The following ANO3 variants were observed in gnomAD, a reference collection of about 807,000 sequenced individuals.
ANO3 encodes anoctamin-3.
ANO3 carries 99 observed loss-of-function variants against 144.8 expected under a neutral mutation model. The ratio of observed to expected loss-of-function variants is 0.68; its 90% CI spans 0.58 to 0.81. ANO3 has a LOEUF of 0.81. Among genes scored for constraint, ANO3 ranks in the 30% least tolerant of loss-of-function variants. ANO3 has a pLI of 0.00. For synonymous variants in ANO3, 414 were observed against 392.6 expected (o/e 1.05, Z -0.64); for missense variants, 905 against 1,202.2 (o/e 0.75, Z 3.66).
intron 1 of ANO3, among the ~76,000 whole-genome samples, chr11:26,206,971 A>C (rs1207828918): frequency 6.6e-6 from 1 of 152,204 alleles, no homozygotes; most frequent in Non-Finnish European, 1.5e-5. Flanking sequence ...ATGAAGGGCA[A>C]ATATTACGTG....
chr11:26,564,726 CACACACATATATATATATAT>C (rs1238801038), intron 14 of ANO3, among the ~76,000 whole-genome samples: 32 of 49,330 alleles, frequency 6.5e-4, no homozygotes, highest in African/African-American at 1.3e-3. Flanking sequence ...CACACACACA[CACACACATATATATATATAT>C]ATATATATAT....
intron 1 of ANO3, among the ~76,000 whole-genome samples, chr11:26,393,975 A>G (rs1856943524): frequency 6.6e-6 from 1 of 152,172 alleles, no homozygotes; most frequent in South Asian, 2.1e-4. Context: ...TTGCAAATGC[A>G]TTTTAACATT....
At chr11:26,652,564 C>T (rs547380971) in intron 24 of ANO3, among the ~76,000 whole-genome samples, 276 of 152,232 alleles carry the variant, frequency 1.8e-3, no homozygotes, top group Non-Finnish European at 2.6e-3. Flanking sequence ...AGTAATTCAC[C>T]CCTTTTTCTC....
chr11:26,344,371 T>TA (rs1198122596), intron 1 of ANO3, among the ~76,000 whole-genome samples: 3 of 150,176 alleles, frequency 2.0e-5, no homozygotes, highest in Non-Finnish European at 4.4e-5. Flanking sequence ...ATATTGTCTT[T>TA]TTTTTTTTTT....
intron 3 of ANO3, 27 bp from the exon 4 acceptor site, chr11:26,463,003 A>T: frequency 8.3e-7 from 1 of 1,198,498 alleles, no homozygotes; most frequent in Non-Finnish European, 1.2e-6. Flanking sequence ...ATAGAAATGG[A>T]TATAACTTTC....
intron 1 of ANO3, among the ~76,000 whole-genome samples, chr11:26,297,373 CT>C (rs1854118742): frequency 6.6e-6 from 1 of 152,118 alleles, no homozygotes; most frequent in Non-Finnish European, 1.5e-5. Flanking sequence ...CAGACAAACA[CT>C]TGTGGGCCTG....
chr11:26,528,367 C>A (rs1443563065), intron 7 of ANO3, among the ~76,000 whole-genome samples: 4 of 152,132 alleles, frequency 2.6e-5, no homozygotes, highest in Admixed American at 1.3e-4. Flanking sequence ...CTATTAGACT[C>A]CATTTACCCC....
intron 1 of ANO3, among the ~76,000 whole-genome samples, chr11:26,205,275 A>G (rs953026873): frequency 2.0e-5 from 3 of 152,188 alleles, no homozygotes; most frequent in African/African-American, 7.2e-5. Context: ...AAACTGGAGA[A>G]GAGAGAAAAT....
chr11:26,363,208 G>T (rs1482455806), intron 1 of ANO3, among the ~76,000 whole-genome samples: 4 of 152,066 alleles, frequency 2.6e-5, no homozygotes, highest in Non-Finnish European at 4.4e-5. Context: ...AAATCACTCT[G>T]GTAATTAATG....
chr11:26,358,882 G>A (rs894528000), intron 1 of ANO3, among the ~76,000 whole-genome samples: 1 of 151,896 alleles, frequency 6.6e-6, no homozygotes, highest in African/African-American at 2.4e-5. Context: ...CCAGTGTATG[G>A]TTTTTCTCAT....
At chr11:26,421,809 C>A (rs910239844) in intron 1 of ANO3, among the ~76,000 whole-genome samples, 2 of 151,876 alleles carry the variant, frequency 1.3e-5, no homozygotes, top group African/African-American at 4.8e-5. Flanking sequence ...AATGGATGGA[C>A]CTTGAGGCCA....
chr11:26,498,912 A>C (rs1274044991), intron 4 of ANO3, among the ~76,000 whole-genome samples: 1 of 151,988 alleles, frequency 6.6e-6, no homozygotes, highest in Non-Finnish European at 1.5e-5. Flanking sequence ...TTGCTTTTAC[A>C]AAAGATCAAC....
intron 14 of ANO3, among the ~76,000 whole-genome samples, chr11:26,576,004 C>T (rs949703286): frequency 1.3e-5 from 2 of 152,072 alleles, no homozygotes; most frequent in Admixed American, 6.6e-5. Flanking sequence ...GATCATAGTC[C>T]GCACATGTTA....
At chr11:26,407,521 T>G (rs746310424) in intron 1 of ANO3, among the ~76,000 whole-genome samples, 10 of 151,870 alleles carry the variant, frequency 6.6e-5, no homozygotes, top group Non-Finnish European at 1.3e-4. Context: ...ATCTGTCTTC[T>G]TTTTTCTAGT....
intron 1 of ANO3, among the ~76,000 whole-genome samples, chr11:26,333,592 T>TTGTTTG (rs1206779617): frequency 7.2e-5 from 11 of 152,174 alleles, no homozygotes; most frequent in Admixed American, 5.2e-4. Flanking sequence ...CTTGACTTTT[T>TTGTTTG]TGTTTGTTTT....
intron 1 of ANO3, among the ~76,000 whole-genome samples, chr11:26,284,133 A>G (rs922227727): frequency 2.0e-5 from 3 of 152,122 alleles, no homozygotes; most frequent in East Asian, 1.9e-4. Context: ...GTGGGAAGCA[A>G]TTGAAGGGTT....
intron 1 of ANO3, among the ~76,000 whole-genome samples, chr11:26,357,642 G>T (rs1173544847): frequency 6.6e-6 from 1 of 151,862 alleles, no homozygotes; most frequent in Admixed American, 6.6e-5. Flanking sequence ...TCTGTAGCTT[G>T]TCTTTTCATC....
intron 1 of ANO3, among the ~76,000 whole-genome samples, chr11:26,230,455 T>A (rs1199796177): frequency 6.6e-6 from 1 of 152,118 alleles, no homozygotes; most frequent in Non-Finnish European, 1.5e-5. Flanking sequence ...TCATATTTCA[T>A]TGGTTAATTT....
At chr11:26,654,935 T>C (rs1853639604) in intron 24 of ANO3, among the ~76,000 whole-genome samples, 1 of 152,138 alleles carries the variant, frequency 6.6e-6, no homozygotes, top group South Asian at 2.1e-4. Flanking sequence ...TTGCGAGAAT[T>C]AGCTCCACTT....
Sources: gnomAD v4.1 joint callset for allele counts (sites outside exome capture counted in the v4.1 genomes callset) on GRCh38, gnomAD v4.1.1 for gene constraint, MANE v1.5 for transcripts, NCBI Gene and HGNC (gene_info 2026-07-23, HGNC 2026-07-21) for gene names.